Variants in TFEC observed in about 807,000 individuals in gnomAD.
TFEC encodes class E basic helix-loop-helix protein 34.
A neutral mutation model predicts 41.6 loss-of-function variants in TFEC; 31 were observed. That is an observed-to-expected ratio of 0.74 (90% confidence interval 0.56 to 1.01). TFEC has a LOEUF of 1.01. TFEC is among the 50% of genes least tolerant of loss of function. TFEC has a pLI of 0.00. For missense variants in TFEC, 402 were observed against 404.1 expected (o/e 0.99, Z 0.04); for synonymous variants, 143 against 140.6 (o/e 1.02, Z -0.12).
intron 1 of TFEC, among the ~76,000 whole-genome samples, chr7:115,999,515 C>T (rs1044430103): frequency 2.6e-5 from 4 of 151,574 alleles, no homozygotes; most frequent in African/African-American, 9.7e-5. Context: ...AGAAACCATA[C>T]AAAAGATCAA....
intron 3 of TFEC, among the ~76,000 whole-genome samples, chr7:116,051,817 A>G (rs911309883): frequency 3.3e-5 from 5 of 152,048 alleles, no homozygotes; most frequent in Admixed American, 1.3e-4. Context: ...AATTTTCCTC[A>G]GAATTTTTGA....
intron 3 of TFEC, among the ~76,000 whole-genome samples, chr7:115,967,818 T>C (rs139923492): frequency 6.6e-6 from 1 of 151,846 alleles, no homozygotes. Flanking sequence ...AATTTATAAA[T>C]ACTTTTGCAT....
intron 2 of TFEC, 74 bp downstream of exon 2, chr7:115,984,188 T>C: frequency 2.0e-6 from 3 of 1,537,774 alleles, no homozygotes; most frequent in Non-Finnish European, 2.6e-6. Flanking sequence ...CTGTAAAATG[T>C]TGACTTCAAT....
chr7:116,012,826 GAAAAA>G (rs10568835), intron 1 of TFEC, among the ~76,000 whole-genome samples: 9 of 134,886 alleles, frequency 6.7e-5, no homozygotes, highest in African/African-American at 1.9e-4. Context: ...TTTATTTCTG[GAAAAA>G]AAAAAAAAAA....
chr7:116,105,960 G>A (rs558766531), intron 3 of TFEC, among the ~76,000 whole-genome samples: 43 of 152,032 alleles, frequency 2.8e-4, no homozygotes, highest in Non-Finnish European at 4.9e-4. Flanking sequence ...AATTCAAGAC[G>A]TTGTAGAAAA....
At chr7:116,078,671 G>A (rs1797016927) in intron 3 of TFEC, among the ~76,000 whole-genome samples, 1 of 152,014 alleles carries the variant, frequency 6.6e-6, no homozygotes, top group African/African-American at 2.4e-5. Context: ...ATAGCAAGCA[G>A]TGATATTGAA....
chr7:116,149,419 C>G (rs1798714892), intron 1 of TFEC, among the ~76,000 whole-genome samples: 1 of 152,008 alleles, frequency 6.6e-6, no homozygotes, highest in Non-Finnish European at 1.5e-5. Flanking sequence ...CAAGTAAAAG[C>G]AGAAAACTAT....
chr7:116,052,415 T>A (rs1415245986), intron 3 of TFEC, among the ~76,000 whole-genome samples: 1 of 151,946 alleles, frequency 6.6e-6, no homozygotes, highest in East Asian at 1.9e-4. Context: ...CAAAAATACA[T>A]TTAAGTTGTT....
intron 3 of TFEC, among the ~76,000 whole-genome samples, chr7:116,079,407 G>GT (rs1797036560): frequency 6.6e-6 from 1 of 151,898 alleles, no homozygotes; most frequent in East Asian, 1.9e-4. Flanking sequence ...TTTGTTGATG[G>GT]TAAGATCGTA....
At chr7:115,961,450 A>C (rs1042501871) in intron 3 of TFEC, among the ~76,000 whole-genome samples, 1 of 151,668 alleles carries the variant, frequency 6.6e-6, no homozygotes, top group African/African-American at 2.4e-5. Flanking sequence ...ATAAATGATA[A>C]AAATAGATTC....
chr7:116,089,607 G>GTATATATA (rs10641524), intron 3 of TFEC, among the ~76,000 whole-genome samples: 1 of 151,416 alleles, frequency 6.6e-6, no homozygotes, highest in African/African-American at 2.4e-5. Context: ...AAGAATGTAA[G>GTATATATA]TATATATATG....
chr7:116,051,086 G>T (rs1278259284), intron 3 of TFEC, among the ~76,000 whole-genome samples: 5 of 151,962 alleles, frequency 3.3e-5, no homozygotes, highest in Non-Finnish European at 7.4e-5. Context: ...TCATAGGTGG[G>T]AATTGAACAA....
intron 3 of TFEC, among the ~76,000 whole-genome samples, chr7:116,073,663 C>T (rs1353291098): frequency 6.6e-6 from 1 of 151,368 alleles, no homozygotes; most frequent in Non-Finnish European, 1.5e-5. Flanking sequence ...GTCAATGGAC[C>T]CAGAATAGCC....
Position 116,141,361 on chromosome 7 carries a change from A to C in TFEC, c.-69+18429T>G, listed in dbSNP as rs369597721. On this transcript the variant is annotated intron_variant, in intron 1 of 8. Coordinates refer to the TFEC transcript ENST00000484212. ...TGGGGATTTTTCTAAATTTTTAATA[A>C]TTTTTTAATAACTAAGTGAAAAAAG... 1.2e-3 allele frequency among the ~76,000 whole-genome samples: 183 copies of C among 152,274 alleles called. 1 individual carries two copies. Among genetic ancestry groups the C allele is most frequent in the South Asian group, 7.7e-3 (37 of 4,830 alleles).
At chr7:116,117,228 T>C (rs1350357962) in intron 1 of TFEC, among the ~76,000 whole-genome samples, 1 of 151,794 alleles carries the variant, frequency 6.6e-6, no homozygotes, top group African/African-American at 2.4e-5. Flanking sequence ...GAGAATTACC[T>C]GAATTACACA....
intron 1 of TFEC, among the ~76,000 whole-genome samples, chr7:116,025,074 A>C (rs190688123): frequency 6.6e-6 from 1 of 152,288 alleles, no homozygotes; most frequent in Admixed American, 6.5e-5. Context: ...TATAAAAACA[A>C]ATGGAGATGC....
chr7:116,137,324 C>A (rs1798451629), intron 1 of TFEC, among the ~76,000 whole-genome samples: 1 of 152,072 alleles, frequency 6.6e-6, no homozygotes, highest in African/African-American at 2.4e-5. Flanking sequence ...TGAGACTTTA[C>A]AAATGCTTAC....
intron 1 of TFEC, among the ~76,000 whole-genome samples, chr7:116,116,365 C>G (rs1164458229): frequency 6.6e-6 from 1 of 151,654 alleles, no homozygotes; most frequent in African/African-American, 2.4e-5. Context: ...TTTTAATGTT[C>G]CCCCATAAAA....
At chr7:116,051,840 T>C (rs1043866385) in intron 3 of TFEC, among the ~76,000 whole-genome samples, 6 of 152,062 alleles carry the variant, frequency 3.9e-5, no homozygotes, top group African/African-American at 1.4e-4. Flanking sequence ...GGTACTATGT[T>C]ATCATCTACT....
Sources: allele counts gnomAD v4.1 joint callset (sites outside exome capture counted in the v4.1 genomes callset), GRCh38; gene constraint gnomAD v4.1.1; transcripts MANE v1.5; gene names NCBI Gene and HGNC (gene_info 2026-07-23, HGNC 2026-07-21).